Variants in KCNQ3 observed in about 807,000 individuals in gnomAD.
KCNQ3 encodes the protein potassium voltage-gated channel subfamily Q member 3.
Under a neutral mutation model 92.5 loss-of-function variants are expected in KCNQ3, and 30 were observed. That is an observed-to-expected ratio of 0.32 (90% CI 0.24 to 0.44). The LOEUF (loss-of-function observed/expected upper bound fraction) is 0.44. Among genes scored for constraint, KCNQ3 ranks in the 20% least tolerant of loss-of-function variants. The probability of loss-of-function intolerance (pLI) is 1.00; values close to 1 mark genes in which losing one functional copy is unlikely to be tolerated. For missense variants in KCNQ3, 913 were observed against 1,140.3 expected, an observed-to-expected ratio of 0.80 and a Z score of 2.87; for synonymous variants, 450 against 468.8, an observed-to-expected ratio of 0.96 and a Z score of 0.52.
At chr8:132,157,533 C>T (rs966057504) in intron 9 of KCNQ3, among the ~76,000 whole-genome samples, 3 of 152,194 alleles carry the variant, frequency 2.0e-5, no homozygotes, top group Admixed American at 1.3e-4. Context: ...TGCCCAGTGG[C>T]TGGCTGGGAG....
chr8:132,317,135 G>T (rs1817767045), intron 1 of KCNQ3, among the ~76,000 whole-genome samples: 1 of 152,114 alleles, frequency 6.6e-6, no homozygotes, highest in Admixed American at 6.5e-5. Flanking sequence ...GATATGAAAT[G>T]GTTTATGTGG....
At chr8:132,411,326 G>A (rs776754985) in intron 1 of KCNQ3, among the ~76,000 whole-genome samples, 7 of 152,168 alleles carry the variant, frequency 4.6e-5, no homozygotes, top group Non-Finnish European at 7.4e-5. Flanking sequence ...CCTTGGGGAC[G>A]CAGCAGTGAG....
At chr8:132,220,890 T>C (rs1052859856) in intron 1 of KCNQ3, among the ~76,000 whole-genome samples, 1 of 152,168 alleles carries the variant, frequency 6.6e-6, no homozygotes, top group Non-Finnish European at 1.5e-5. Flanking sequence ...TAGGTATACA[T>C]GTGCCATGTT....
intron 1 of KCNQ3, among the ~76,000 whole-genome samples, chr8:132,222,397 G>A (rs1814267572): frequency 6.6e-6 from 1 of 152,222 alleles, no homozygotes; most frequent in African/African-American, 2.4e-5. Context: ...CCTTGAGTGA[G>A]TGCGTATATA....
chr8:132,433,448 T>G (rs1271723779), intron 1 of KCNQ3, among the ~76,000 whole-genome samples: 1 of 152,204 alleles, frequency 6.6e-6, no homozygotes, highest in African/African-American at 2.4e-5. Context: ...GACACAGCAT[T>G]CTCATTTCTG....
chr8:132,451,985 C>A (rs1365064812), intron 1 of KCNQ3, among the ~76,000 whole-genome samples: 2 of 152,112 alleles, frequency 1.3e-5, no homozygotes, highest in Non-Finnish European at 2.9e-5. Context: ...AGTTGGAGGG[C>A]ACCTTTAAAG....
At chr8:132,338,118 G>A (rs1479280544) in intron 1 of KCNQ3, among the ~76,000 whole-genome samples, 2 of 152,186 alleles carry the variant, frequency 1.3e-5, no homozygotes, top group Non-Finnish European at 2.9e-5. Flanking sequence ...TGCCTTCGGT[G>A]TGCTGGGCAG....
chr8:132,156,580 G>A (rs1228111628), intron 9 of KCNQ3, among the ~76,000 whole-genome samples: 1 of 152,170 alleles, frequency 6.6e-6, no homozygotes, highest in Non-Finnish European at 1.5e-5. Context: ...CCCCAGTGGT[G>A]TAGGGGGATA....
At chr8:132,233,959 A>C (rs532306251) in intron 1 of KCNQ3, among the ~76,000 whole-genome samples, 1 of 152,350 alleles carries the variant, frequency 6.6e-6, no homozygotes, top group Non-Finnish European at 1.5e-5. Context: ...AAATCAAGTG[A>C]ACACATAATT....
At chr8:132,172,431 C>CACACACACAGACACAG (rs777793487) in intron 7 of KCNQ3, among the ~76,000 whole-genome samples, 167 bp downstream of exon 7, 1 of 150,700 alleles carries the variant, frequency 6.6e-6, no homozygotes, top group Non-Finnish European at 1.5e-5. Context: ...CACACACACA[C>CACACACACAGACACAG]ACACAGACAC....
chr8:132,370,481 T>A (rs1199559464), intron 1 of KCNQ3, among the ~76,000 whole-genome samples: 1 of 152,156 alleles, frequency 6.6e-6, no homozygotes, highest in Non-Finnish European at 1.5e-5. Flanking sequence ...CAGGGCAGCA[T>A]CTGTGAGCTG....
At chr8:132,201,525 C>G (rs142700166) in intron 1 of KCNQ3, among the ~76,000 whole-genome samples, 1 of 152,194 alleles carries the variant, frequency 6.6e-6, no homozygotes, top group African/African-American at 2.4e-5. Flanking sequence ...AAGATACGTA[C>G]TCCCATTCCG....
At chr8:132,158,578 A>G (rs1019983357) in intron 9 of KCNQ3, among the ~76,000 whole-genome samples, 3 of 152,162 alleles carry the variant, frequency 2.0e-5, no homozygotes, top group Non-Finnish European at 1.5e-5. Flanking sequence ...CAACAGCTGG[A>G]AGGAGGAGCA....
intron 1 of KCNQ3, among the ~76,000 whole-genome samples, chr8:132,303,565 G>GATATATATAGATATATATATATATAT (rs1817292114): frequency 2.3e-5 from 1 of 42,566 alleles, no homozygotes; most frequent in African/African-American, 9.4e-5. Context: ...AAGAAAATGT[G>GATATATATAGATATATATATATATAT]ATATATATAT....
At chr8:132,194,814 A>C (rs1057097868) in intron 1 of KCNQ3, among the ~76,000 whole-genome samples, 2 of 152,182 alleles carry the variant, frequency 1.3e-5, no homozygotes, top group African/African-American at 4.8e-5. Context: ...ACAGAAAGGA[A>C]ATTTGTACAT....
At chr8:132,309,288 C>G (rs1342145510) in intron 1 of KCNQ3, among the ~76,000 whole-genome samples, 1 of 152,170 alleles carries the variant, frequency 6.6e-6, no homozygotes, top group South Asian at 2.1e-4. Flanking sequence ...CTGATTAGTT[C>G]TGTCCCTCTA....
At chr8:132,238,531 G>T (rs1223879777) in intron 1 of KCNQ3, among the ~76,000 whole-genome samples, 1 of 151,950 alleles carries the variant, frequency 6.6e-6, no homozygotes, top group Non-Finnish European at 1.5e-5. Flanking sequence ...TCCGCTTTTT[G>T]TGTTTCTTTC....
intron 1 of KCNQ3, among the ~76,000 whole-genome samples, chr8:132,294,940 C>A (rs565896087): frequency 1.2e-4 from 18 of 152,244 alleles, no homozygotes; most frequent in African/African-American, 4.3e-4. Context: ...ACTACAAAAA[C>A]CCTAGAAGAA....
At chr8:132,381,784 G>A (rs74412504) in intron 1 of KCNQ3, among the ~76,000 whole-genome samples, 22,037 of 152,210 alleles carry the variant, frequency 0.14, 1,772 homozygotes, top group African/African-American at 0.21. Flanking sequence ...AATGCACCCA[G>A]AGAGACCTTC....
Sources: gnomAD v4.1 joint callset for allele counts (sites outside exome capture counted in the v4.1 genomes callset) on GRCh38, gnomAD v4.1.1 for gene constraint, MANE v1.5 for transcripts, NCBI Gene and HGNC (gene_info 2026-07-23, HGNC 2026-07-21) for gene names.